Variants in RARB observed in about 807,000 individuals in gnomAD.
The protein encoded by RARB is retinoic acid receptor beta.
A neutral mutation model predicts 51.9 loss-of-function variants in RARB; 17 were observed. That is an observed-to-expected ratio of 0.33 (90% CI 0.22 to 0.49). RARB has a LOEUF of 0.49. Among genes scored for constraint, RARB ranks in the 20% least tolerant of loss-of-function variants. The pLI, the probability that RARB is intolerant of heterozygous loss-of-function variation, is 0.99. For missense variants in RARB, 369 were observed against 550.8 expected, an observed-to-expected ratio of 0.67 and a Z score of 3.30; for synonymous variants, 215 against 195.4, an observed-to-expected ratio of 1.10 and a Z score of -0.84.
At chr3:25,014,155 T>C (rs1239898672) in intron 2 of RARB, among the ~76,000 whole-genome samples, 1 of 152,152 alleles carries the variant, frequency 6.6e-6, no homozygotes, top group Non-Finnish European at 1.5e-5. Flanking sequence ...GCATATGTTT[T>C]TTCCCCAAAC....
intron 2 of RARB, among the ~76,000 whole-genome samples, chr3:24,985,650 G>A (rs1449176352): frequency 6.6e-6 from 1 of 152,164 alleles, no homozygotes; most frequent in African/African-American, 2.4e-5. Context: ...TTTGGAAAAA[G>A]GGGGTTTGGA....
chr3:25,056,067 AAC>A (rs1698435534), intron 2 of RARB, among the ~76,000 whole-genome samples: 1 of 152,160 alleles, frequency 6.6e-6, no homozygotes, highest in African/African-American at 2.4e-5. Context: ...AAACATGCCC[AAC>A]TCTTAGTGTC....
intron 2 of RARB, among the ~76,000 whole-genome samples, chr3:24,970,316 G>A (rs1185171282): frequency 6.6e-6 from 1 of 151,994 alleles, no homozygotes; most frequent in East Asian, 1.9e-4. Context: ...TTGTAGTGGT[G>A]AGAACTGAAA....
rs1287531456 is a variant in RARB, at chr3:25,501,208, G to A, written c.333G>A (p.Lys111=). 6.2e-7 allele frequency: 1 copy of A among 1,600,302 alleles called. No homozygotes were observed. The highest frequency in any genetic ancestry group is 8.5e-7 in the Non-Finnish European group (1 of 1,176,114). Residue 111 remains lysine, a synonymous_variant, in exon 3 of 8, where the codon AAG becomes AAA. Coordinates refer to ENST00000330688, the MANE Select transcript of RARB (RefSeq NM_000965.5). ...GCTTTTTCCGCAGAAGTATTCAGAAGAATATGATTTACACTTGTCACCGAG... is the reference window on the plus strand; with the variant it reads ...GCTTTTTCCGCAGAAGTATTCAGAAAAATATGATTTACACTTGTCACCGAG... ...CKGFFRRSIQ[K]NMIYTCHRDK...
At chr3:25,068,486 T>C (rs1367280128) in intron 3 of RARB, among the ~76,000 whole-genome samples, 1 of 151,076 alleles carries the variant, frequency 6.6e-6, no homozygotes, top group Non-Finnish European at 1.5e-5. Flanking sequence ...GAGGAATAGA[T>C]AAATTAAATA....
chr3:25,027,790 G>A (rs1697781344), intron 2 of RARB, among the ~76,000 whole-genome samples: 1 of 152,148 alleles, frequency 6.6e-6, no homozygotes, highest in Non-Finnish European at 1.5e-5. Flanking sequence ...CAGAGACTCA[G>A]GCGGCCCCAG....
chr3:25,000,685 T>G (rs776261170), intron 2 of RARB, among the ~76,000 whole-genome samples: 4 of 152,172 alleles, frequency 2.6e-5, no homozygotes, highest in Non-Finnish European at 4.4e-5. Flanking sequence ...CTCAGTGCTT[T>G]CTTTCATTCA....
chr3:25,591,786 A>G (rs1701624420), intron 5 of RARB, among the ~76,000 whole-genome samples: 1 of 152,212 alleles, frequency 6.6e-6, no homozygotes, highest in Admixed American at 6.5e-5. Context: ...TATATACAAC[A>G]GAGGCGCTGC....
chr3:25,542,562 C>T (rs1426904622), intron 3 of RARB, among the ~76,000 whole-genome samples: 1 of 152,208 alleles, frequency 6.6e-6, no homozygotes, highest in Non-Finnish European at 1.5e-5. Context: ...AAAAGCTGTT[C>T]ATTTGTCTTA....
At chr3:25,244,456 C>A (rs1330452931) in intron 5 of RARB, among the ~76,000 whole-genome samples, 2 of 152,012 alleles carry the variant, frequency 1.3e-5, no homozygotes, top group Non-Finnish European at 2.9e-5. Context: ...TTTAGTGTTA[C>A]AAATTTCCCT....
intron 3 of RARB, among the ~76,000 whole-genome samples, chr3:25,504,882 C>T (rs1206768199): frequency 1.3e-5 from 2 of 150,888 alleles, no homozygotes; most frequent in African/African-American, 4.9e-5. Flanking sequence ...CTAAGCCTCC[C>T]AAGTAGCTGG....
At chr3:24,866,199 A>C (rs894364803) in intron 2 of RARB, among the ~76,000 whole-genome samples, 2 of 151,900 alleles carry the variant, frequency 1.3e-5, no homozygotes, top group Admixed American at 6.6e-5. Context: ...CCATTCTCTT[A>C]TGCTTTCCAT....
chr3:25,568,455 G>T (rs1024986905), intron 3 of RARB, among the ~76,000 whole-genome samples: 1 of 152,130 alleles, frequency 6.6e-6, no homozygotes, highest in African/African-American at 2.4e-5. Context: ...GGTTAGGTAG[G>T]AGTGGCTCGT....
intron 2 of RARB, among the ~76,000 whole-genome samples, chr3:24,979,957 A>AG (rs1482332760): frequency 6.6e-6 from 1 of 152,186 alleles, no homozygotes; most frequent in Non-Finnish European, 1.5e-5. Flanking sequence ...CTTGTAAGGC[A>AG]GGCCTGGTGG....
chr3:25,069,878 A>G (rs942561978), intron 3 of RARB, among the ~76,000 whole-genome samples: 2 of 152,186 alleles, frequency 1.3e-5, no homozygotes, highest in African/African-American at 4.8e-5. Context: ...CCAATTACTC[A>G]TATGAACCAC....
chr3:25,330,495 A>T (rs1354659122), intron 5 of RARB, among the ~76,000 whole-genome samples: 1 of 152,230 alleles, frequency 6.6e-6, no homozygotes, highest in African/African-American at 2.4e-5. Flanking sequence ...GGCCTGCCCT[A>T]CAAGAGCTCC....
At chr3:25,544,651 C>G (rs911795460) in intron 3 of RARB, among the ~76,000 whole-genome samples, 1 of 152,170 alleles carries the variant, frequency 6.6e-6, no homozygotes, top group Non-Finnish European at 1.5e-5. Context: ...ACTTGTCTGG[C>G]TCATTTGACA....
intron 4 of RARB, among the ~76,000 whole-genome samples, chr3:25,577,357 C>T (rs957989262): frequency 5.9e-5 from 9 of 152,016 alleles, no homozygotes; most frequent in African/African-American, 1.7e-4. Context: ...GTGCCTGGCA[C>T]GAGGCAAGCC....
intron 4 of RARB, among the ~76,000 whole-genome samples, chr3:25,166,011 T>C (rs321520): frequency 0.97 from 146,895 of 152,064 alleles, 70,982 homozygotes; most frequent in African/African-American, 0.99. Flanking sequence ...TTTACTGTAT[T>C]AAATGACCCC....
Sources: gnomAD v4.1 joint callset for allele counts (sites outside exome capture counted in the v4.1 genomes callset) on GRCh38, gnomAD v4.1.1 for gene constraint, MANE v1.5 for transcripts, NCBI Gene and HGNC (gene_info 2026-07-23, HGNC 2026-07-21) for gene names.